Variants in CAMK2G observed in about 807,000 individuals in gnomAD.
CAMK2G encodes the protein calcium/calmodulin-dependent protein kinase type II subunit gamma.
Under a neutral mutation model 88.7 loss-of-function variants are expected in CAMK2G, and 23 were observed. That is an observed-to-expected ratio of 0.26 (90% confidence interval 0.19 to 0.37). CAMK2G has a LOEUF of 0.37. CAMK2G is among the 10% of genes least tolerant of loss of function. The probability of loss-of-function intolerance (pLI) is 1.00; values close to 1 mark genes in which losing one functional copy is unlikely to be tolerated. For synonymous variants in CAMK2G, 263 were observed against 294.8 expected (o/e 0.89, Z 1.11); for missense variants, 476 against 780.8 (o/e 0.61, Z 4.65).
At chr10:73,860,294 C>G (rs1480606183) in intron 3 of CAMK2G, among the ~76,000 whole-genome samples, 1 of 152,168 alleles carries the variant, frequency 6.6e-6, no homozygotes, top group African/African-American at 2.4e-5. Flanking sequence ...TTTTCTCCTT[C>G]CCCATCTGAG....
rs1344249197 is a variant in CAMK2G, at chr10:73,848,220, C to T, written c.602-138G>A. 2 of 666,960 alleles carry T rather than the reference C, an allele frequency of 3.0e-6. No individual in the cohort carries two copies. The highest frequency in any genetic ancestry group is 5.4e-6 in the Non-Finnish European group (2 of 367,650). 41.3% of individuals were successfully genotyped at this position (666,960 alleles called of 1,614,324 possible). A position where few individuals can be genotyped will look rare whatever the true frequency, so the allele number is the denominator to read the frequency against. On this transcript the variant is annotated intron_variant, in intron 8 of 22. Transcript: ENST00000423381. This position sits in a 1 kb window ranked among gnomAD's most constrained non-coding sequence, Gnocchi z 4.5. ...CAGAAGTGGATGCCAGCCGATAATG[C>T]TATGCTACCAGCCCCTCCTGCTATG... is the stretch of plus-strand genomic sequence containing the variant.
intron 18 of CAMK2G, among the ~76,000 whole-genome samples, chr10:73,820,532 T>A (rs1164457691): frequency 7.4e-6 from 1 of 135,490 alleles, no homozygotes; most frequent in East Asian, 2.1e-4. Flanking sequence ...AGTCTCGCTC[T>A]GTCACCCAGG....
chr10:73,837,388 G>C, intron 14 of CAMK2G, 80 bp downstream of exon 14: 1 of 1,083,748 alleles, frequency 9.2e-7, no homozygotes, highest in Non-Finnish European at 1.4e-6. Flanking sequence ...CCCTGGGAAA[G>C]GGGGAACCAG....
intron 18 of CAMK2G, among the ~76,000 whole-genome samples, chr10:73,820,663 A>ATTTTTTTTTTTTTTTT (rs1198716305): frequency 1.3e-4 from 6 of 46,128 alleles, no homozygotes; most frequent in Non-Finnish European, 1.7e-4. Context: ...CACCCGGCTA[A>ATTTTTTTTTTTTTTTT]TTTTTTTTTT....
chr10:73,869,532 T>G (rs992492833), intron 2 of CAMK2G, among the ~76,000 whole-genome samples: 6 of 152,214 alleles, frequency 3.9e-5, no homozygotes, highest in Non-Finnish European at 8.8e-5. Context: ...GCAACTTGAC[T>G]CTGAGTTTCC....
intron 3 of CAMK2G, among the ~76,000 whole-genome samples, chr10:73,857,007 T>A (rs2095081858): frequency 6.6e-6 from 1 of 152,252 alleles, no homozygotes; most frequent in Non-Finnish European, 1.5e-5. Context: ...AAGGAGGTCC[T>A]GTTGCCATGG....
chr10:73,871,979 G>C (rs962611090), intron 2 of CAMK2G, among the ~76,000 whole-genome samples: 4 of 152,192 alleles, frequency 2.6e-5, no homozygotes, highest in Middle Eastern at 3.4e-3. Flanking sequence ...TCTTCCCCAG[G>C]GCATGTGTCC....
intron 13 of CAMK2G, among the ~76,000 whole-genome samples, chr10:73,837,850 G>A (rs111886601): frequency 7.8e-4 from 119 of 152,304 alleles, no homozygotes; most frequent in Middle Eastern, 6.8e-3. Flanking sequence ...GAGTGCCAGG[G>A]TGAAAGAGTG....
At chr10:73,846,429 A>T (rs1281560124) in intron 10 of CAMK2G, 1 of 152,214 alleles carries the variant, frequency 6.6e-6, no homozygotes. Flanking sequence ...CCCACCAGGA[A>T]CAGTAGGAGC....
At chr10:73,837,392 G>GA in intron 14 of CAMK2G, 76 bp downstream of exon 14, 1 of 1,132,556 alleles carries the variant, frequency 8.8e-7, no homozygotes, top group Non-Finnish European at 1.4e-6. Context: ...GGGAAAGGGG[G>GA]AACCAGGTGC....
chr10:73,858,281 G>A (rs541317310), intron 3 of CAMK2G, among the ~76,000 whole-genome samples: 14 of 152,154 alleles, frequency 9.2e-5, no homozygotes, highest in Admixed American at 3.3e-4. Flanking sequence ...ACTGTTCTTG[G>A]GCTGGCCCGT....
Position 73,814,344 on chromosome 10 carries a change from G to C in CAMK2G, c.*174C>G, listed in dbSNP as rs1375346452. The C allele has an allele frequency of 1.3e-5, 2 of 150,628 alleles. No individual in the cohort carries two copies. The highest frequency in any genetic ancestry group is 4.9e-5 in the African/African-American group (2 of 40,714). The allele number at this position is 150,628 out of a possible 1,614,324, so 9.3% of individuals were successfully genotyped here. On this transcript the variant is annotated 3_prime_UTR_variant, in exon 23 of 23. Transcript: ENST00000423381. ...TCGGTACAGCAGAGACAGACACGAA[G>C]GGCGGGCGGGAGGGCTGCATGCAGG...
chr10:73,815,190 A>G lies in CAMK2G; in HGVS notation c.1592T>C (p.Val531Ala). ...HTTILNPHVH[V>A]IGEDAACIAY... Reference sequence around the variant, plus strand: ...GATGCACGCTGCGTCCTCCCCAATCACGTGGACGTGTGGGTTTAGGATGGT... The same window carrying G: ...GATGCACGCTGCGTCCTCCCCAATCGCGTGGACGTGTGGGTTTAGGATGGT... The change falls in exon 22 of 23, where the codon GTG becomes GCG. Residue 531 changes from valine (V) to alanine (A), a missense_variant. Val to Ala is a moderately conservative substitution (Grantham distance 64). Coordinates refer to ENST00000423381, the MANE Select transcript of CAMK2G (RefSeq NM_001367534.1). The G allele has an allele frequency of 6.2e-7, 1 of 1,614,186 alleles. No individual in the cohort carries two copies. The highest frequency in any genetic ancestry group is 8.5e-7 in the Non-Finnish European group (1 of 1,180,026).
rs780768351 is a variant in CAMK2G, at chr10:73,874,513, A to T, written c.-52T>A. On this transcript the variant is annotated 5_prime_UTR_variant, in exon 1 of 23. Transcript: ENST00000423381. Reference sequence around the variant, plus strand: ...GCAGCCCGCGCCGACGTCGGTGCACAGTCACCGCCGCCCGGCCGAGGGAGC... The same window carrying T: ...GCAGCCCGCGCCGACGTCGGTGCACTGTCACCGCCGCCCGGCCGAGGGAGC... 3 of 1,299,264 alleles carry T rather than the reference A, an allele frequency of 2.3e-6. No homozygotes were observed. The highest frequency in any genetic ancestry group is 5.3e-5 in the Admixed American group (2 of 37,510). The allele number at this position is 1,299,264 out of a possible 1,614,324, so 80.5% of individuals were successfully genotyped here.
rs1024788149 is a variant in CAMK2G at position 73,853,127 on chromosome 10, C to T, written c.275+65G>A. The T allele has an allele frequency of 1.0e-5, 15 of 1,488,644 alleles. No individual in the cohort carries two copies. In the Admixed American group the frequency reaches 1.5e-4, roughly 15 times the overall value. 92.2% of individuals were successfully genotyped at this position (1,488,644 alleles called of 1,614,324 possible). ...GCTGGAGAGCCTGTTTAGGCCTCTT[C>T]CTGAGCCTTCATTTTGAGTCAGCTA... is the stretch of plus-strand genomic sequence containing the variant. On this transcript the variant is annotated intron_variant, in intron 4 of 22. Coordinates refer to ENST00000423381, the MANE Select transcript of CAMK2G (RefSeq NM_001367534.1).
chr10:73,823,325 C>T (rs2089743039), intron 17 of CAMK2G, among the ~76,000 whole-genome samples: 1 of 152,214 alleles, frequency 6.6e-6, no homozygotes, highest in African/African-American at 2.4e-5. Flanking sequence ...AAGCAATTAT[C>T]GTGCCTCAGC....
intron 14 of CAMK2G, among the ~76,000 whole-genome samples, chr10:73,834,160 C>T (rs1198062985): frequency 1.3e-5 from 2 of 151,444 alleles, no homozygotes; most frequent in Non-Finnish European, 2.9e-5. Context: ...CCTCGTGATC[C>T]ACCCGCCTCG....
intron 18 of CAMK2G, among the ~76,000 whole-genome samples, chr10:73,820,379 T>C (rs938443924): frequency 6.7e-6 from 1 of 149,854 alleles, no homozygotes; most frequent in Admixed American, 6.7e-5. Context: ...GTCAGATTAG[T>C]TCCAACTCCA....
chr10:73,873,203 GCA>G (rs1023573681), intron 1 of CAMK2G, 120 bp from the exon 2 acceptor site: 31 of 959,268 alleles, frequency 3.2e-5, no homozygotes, highest in Non-Finnish European at 4.6e-5. Context: ...TCACGTACAT[GCA>G]CACACACCGG....
Sources: gnomAD v4.1 joint callset for allele counts (sites outside exome capture counted in the v4.1 genomes callset) on GRCh38, gnomAD v4.1.1 for gene constraint, Gnocchi (gnomAD v3.1) non-coding constraint, MANE v1.5 for transcripts, NCBI Gene and HGNC (gene_info 2026-07-23, HGNC 2026-07-21) for gene names.